The following STS variants were observed in gnomAD, a reference collection of about 807,000 sequenced individuals.
STS encodes the protein steroid sulfatase, also known as steryl-sulfatase.
STS carries 7 observed loss-of-function variants against 26.8 expected under a neutral mutation model. The observed-to-expected ratio is 0.26, with a 90% CI of 0.15 to 0.49. STS has a LOEUF of 0.49. STS is among the 20% of genes least tolerant of loss of function. The pLI, the probability that STS is intolerant of heterozygous loss-of-function variation, is 0.98. For synonymous variants in STS, 199 were observed against 189.4 expected (o/e 1.05, Z -0.42); for missense variants, 434 against 465.6 (o/e 0.93, Z 0.63).
rs1366297251 is a variant in STS, at chrX:7,351,613, G to A, written c.*1352G>A. 9.0e-6 allele frequency: 1 copy of A among 111,678 alleles called. No individual in the cohort carries two copies. Among genetic ancestry groups the A allele is most frequent in the African/African-American group, 3.3e-5 (1 of 30,696 alleles). The allele number at this position is 111,678 out of a possible 1,213,427, so 9.2% of individuals were successfully genotyped here. A position where few individuals can be genotyped will look rare whatever the true frequency, so the allele number is the denominator to read the frequency against. On this transcript the variant is annotated 3_prime_UTR_variant, in exon 11 of 11. Coordinates refer to ENST00000674429, the MANE Select transcript of STS (RefSeq NM_001320752.2). Reference sequence around the variant, plus strand: ...GATTGGATTCCTTTATGGCAAAATCGAGAGAAGCTGCCATCCACCTGCTTA... The same window carrying A: ...GATTGGATTCCTTTATGGCAAAATCAAGAGAAGCTGCCATCCACCTGCTTA...
chrX:7,256,364 G>C (rs1923408425), intron 3 of STS, among the ~76,000 whole-genome samples: 1 of 112,194 alleles, frequency 8.9e-6, no homozygotes, highest in African/African-American at 3.2e-5. Flanking sequence ...CAAAGGGTAT[G>C]TGGGGGTCGC....
intron 7 of STS, among the ~76,000 whole-genome samples, chrX:7,285,183 G>T (rs1262365517): frequency 9.0e-6 from 1 of 111,100 alleles, no homozygotes; most frequent in African/African-American, 3.3e-5. Context: ...AAAGTAAGTT[G>T]CCCAAAGTCA....
rs183226973 is a variant in STS at position 7,193,960 on chromosome X, A to C, written c.-5+2952A>C. On this transcript the variant is annotated intron_variant, in intron 2 of 10. Transcript: ENST00000674429. ...ACTCTGTCGTCCAGGCTGGAAGTGC[A>C]GTGGCACAATCTCAGCTCACTGCAA... Among the ~76,000 whole-genome samples, 38 of 111,573 alleles carry C rather than the reference A, an allele frequency of 3.4e-4. 1 individual carries two copies. The highest frequency in any genetic ancestry group is 9.1e-3 in the Middle Eastern group (2 of 219).
At chrX:7,203,464 C>T (rs1396489474) in intron 2 of STS, among the ~76,000 whole-genome samples, 2 of 111,697 alleles carry the variant, frequency 1.8e-5, no homozygotes, top group African/African-American at 6.5e-5. Context: ...CAATTGTAAG[C>T]CCAAGTTCAT....
chrX:7,186,623 G>A (rs1226907381), intron 1 of STS, among the ~76,000 whole-genome samples: 1 of 111,919 alleles, frequency 8.9e-6, no homozygotes, highest in African/African-American at 3.2e-5. Flanking sequence ...CTTCTGAAAA[G>A]CAAGATGTAA....
intron 3 of STS, among the ~76,000 whole-genome samples, chrX:7,254,280 T>TC (rs1923289276): frequency 8.9e-6 from 1 of 112,130 alleles, no homozygotes; most frequent in Admixed American, 9.4e-5. Flanking sequence ...GACCCTTGGG[T>TC]CTGAACATCC....
intron 3 of STS, among the ~76,000 whole-genome samples, chrX:7,255,880 C>A (rs1381149919): frequency 1.8e-5 from 2 of 112,332 alleles, no homozygotes; most frequent in Non-Finnish European, 3.8e-5. Flanking sequence ...TGCATCATTG[C>A]AGCACTACTC....
At chrX:7,235,594 G>A (rs1208835859) in intron 2 of STS, among the ~76,000 whole-genome samples, 1 of 111,641 alleles carries the variant, frequency 9.0e-6, no homozygotes, top group Non-Finnish European at 1.9e-5. Context: ...AACATGACAA[G>A]ATCCCATCTT....
chrX:7,262,258 A>G (rs1225918334), intron 6 of STS, among the ~76,000 whole-genome samples: 1 of 112,259 alleles, frequency 8.9e-6, no homozygotes, highest in Non-Finnish European at 1.9e-5. Context: ...GCTTTGCTCC[A>G]TGAGGAGACT....
At chrX:7,325,604 T>A (rs1927404905) in intron 9 of STS, 106 bp downstream of exon 9, 10 of 965,359 alleles carry the variant, frequency 1.0e-5, no homozygotes, top group Non-Finnish European at 1.5e-5. Flanking sequence ...TTTGGCCCCC[T>A]GGAGTTTTCC....
At chrX:7,325,714 A>G (rs1478302392) in intron 9 of STS, among the ~76,000 whole-genome samples, 1 of 112,484 alleles carries the variant, frequency 8.9e-6, no homozygotes, top group Non-Finnish European at 1.9e-5. Context: ...ACCCAAAGAT[A>G]CAGGGGAAAT....
chrX:7,236,318 A>G (rs1392801459), intron 2 of STS, among the ~76,000 whole-genome samples: 1 of 112,105 alleles, frequency 8.9e-6, no homozygotes, highest in Non-Finnish European at 1.9e-5. Flanking sequence ...TGAAACAGAG[A>G]TGATAACAGT....
chrX:7,286,587 A>G (rs1925144328), intron 7 of STS, among the ~76,000 whole-genome samples: 1 of 111,590 alleles, frequency 9.0e-6, no homozygotes, highest in Admixed American at 9.6e-5. Flanking sequence ...CCTGAATGCA[A>G]CATGCATAAT....
intron 6 of STS, among the ~76,000 whole-genome samples, chrX:7,260,272 G>A (rs191526396): frequency 5.3e-5 from 6 of 112,698 alleles, no homozygotes; most frequent in Non-Finnish European, 9.4e-5. Context: ...AATGGCCTTA[G>A]AAAGGTATTG....
In STS at chrX:7,351,059, C is replaced by T. The variant is rs1014434367; in HGVS notation, c.*798C>T. Reference sequence around the variant, plus strand: ...GCAAAATTTTACAGTAATAATAATCCCAAGGCAAATCTCTCCTGAACTGCT... The same window carrying T: ...GCAAAATTTTACAGTAATAATAATCTCAAGGCAAATCTCTCCTGAACTGCT... On this transcript the variant is annotated 3_prime_UTR_variant, in exon 11 of 11. Transcript: ENST00000674429. The T allele has an allele frequency of 1.8e-5, 2 of 111,633 alleles. No individual in the cohort carries two copies. The highest frequency in any genetic ancestry group is 3.8e-5 in the Non-Finnish European group (2 of 53,108). The allele number at this position is 111,633 out of a possible 1,213,427, so 9.2% of individuals were successfully genotyped here. A position where few individuals can be genotyped will look rare whatever the true frequency, so the allele number is the denominator to read the frequency against.
chrX:7,204,748 T>G lies in STS; in HGVS notation c.-5+13740T>G, dbSNP rs749930621. ...TTCCTTCCTTCCCTTCTTTCTTCCT[T>G]TCTTCCCTCTCTCTCCCTCCTTTCT... On this transcript the variant is annotated intron_variant, in intron 2 of 10. Transcript: ENST00000674429. 3.9e-5 allele frequency among the ~76,000 whole-genome samples: 4 copies of G among 102,750 alleles called. No individual in the cohort carries two copies. In the Admixed American group the frequency reaches 4.2e-4, roughly 11 times the overall value. 89.2% of individuals were successfully genotyped at this position (102,750 alleles called of 115,157 possible). A position where few individuals can be genotyped will look rare whatever the true frequency, so the allele number is the denominator to read the frequency against.
At chrX:7,245,473 G>A (rs1922822123) in intron 2 of STS, among the ~76,000 whole-genome samples, 1 of 112,140 alleles carries the variant, frequency 8.9e-6, no homozygotes, top group Non-Finnish European at 1.9e-5. Flanking sequence ...CTCACATGGT[G>A]TCTACAGTCT....
At chrX:7,245,054 C>G (rs974257921) in intron 2 of STS, among the ~76,000 whole-genome samples, 1 of 111,783 alleles carries the variant, frequency 8.9e-6, no homozygotes, top group South Asian at 3.7e-4. Context: ...CCTGCTGGCT[C>G]TGGCCTTCTC....
intron 6 of STS, among the ~76,000 whole-genome samples, chrX:7,267,812 T>C (rs1924078888): frequency 8.9e-6 from 1 of 112,021 alleles, no homozygotes; most frequent in Admixed American, 9.5e-5. Flanking sequence ...ATATATTAAA[T>C]ATATGTATGT....
Sources: allele counts gnomAD v4.1 joint callset (sites outside exome capture counted in the v4.1 genomes callset), GRCh38; gene constraint gnomAD v4.1.1; transcripts MANE v1.5; gene names NCBI Gene and HGNC (gene_info 2026-07-23, HGNC 2026-07-21).